CSNK1A1: variants seen among roughly 807,000 people sequenced by gnomAD.
The protein encoded by CSNK1A1 is casein kinase 1 alpha 1.
In CSNK1A1, 7 loss-of-function variants were observed where a neutral mutation model predicts 46.1. The ratio of observed to expected loss-of-function variants is 0.15; its 90% CI spans 0.09 to 0.29. The LOEUF is 0.29. Among genes scored for constraint, CSNK1A1 ranks in the 10% least tolerant of loss-of-function variants. CSNK1A1 has a pLI of 1.00. For missense variants in CSNK1A1, 96 were observed against 417.1 expected (o/e 0.23, Z 6.71); for synonymous variants, 137 against 141.5 (o/e 0.97, Z 0.23).
chr5:149,550,215 T>A lies in CSNK1A1; in HGVS notation c.124-34A>T. On this transcript the variant is annotated intron_variant, in intron 1 of 9. Coordinates refer to ENST00000377843, the MANE Select transcript of CSNK1A1 (RefSeq NM_001892.6). The surrounding 1 kb of genome is among the most constrained non-coding windows in gnomAD (Gnocchi z 4.3). ...GAAAGAGGGGATGATGGCATCAACA[T>A]CCCTACGGATTCAATGTCACTTAGG... 2 of 1,608,006 alleles carry A rather than the reference T, an allele frequency of 1.2e-6. No homozygotes were observed. Among genetic ancestry groups the A allele is most frequent in the Non-Finnish European group, 1.7e-6 (2 of 1,177,038 alleles).
chr5:149,522,051 T>C (rs1761587733), intron 3 of CSNK1A1, among the ~76,000 whole-genome samples: 1 of 152,190 alleles, frequency 6.6e-6, no homozygotes, highest in African/African-American at 2.4e-5. Flanking sequence ...TAAACAAATT[T>C]AAATTATTTT....
At chr5:149,513,341 G>A (rs889451316) in intron 4 of CSNK1A1, 132 bp from the exon 5 acceptor site, 2 of 836,802 alleles carry the variant, frequency 2.4e-6, no homozygotes, top group Non-Finnish European at 3.6e-6. Flanking sequence ...TAATAGAACA[G>A]ATAATGAACA....
chr5:149,513,436 G>A (rs990730635), intron 4 of CSNK1A1, among the ~76,000 whole-genome samples: 3 of 151,702 alleles, frequency 2.0e-5, no homozygotes, highest in African/African-American at 7.3e-5. Context: ...TATCCTTGTC[G>A]TTTGCAGATT....
At chr5:149,506,467 C>A (rs1761030362) in intron 8 of CSNK1A1, among the ~76,000 whole-genome samples, 1 of 151,860 alleles carries the variant, frequency 6.6e-6, no homozygotes, top group Admixed American at 6.6e-5. Flanking sequence ...TAACTCCTGA[C>A]CTCAAGCGAT....
chr5:149,501,227 T>C (rs1338050079), intron 9 of CSNK1A1: 4 of 985,228 alleles, frequency 4.1e-6, no homozygotes, highest in Non-Finnish European at 4.8e-6. Context: ...CATTTCCTGT[T>C]GGGTTATTTA....
intron 9 of CSNK1A1, chr5:149,502,870 G>A (rs1760916236): frequency 3.0e-6 from 2 of 656,456 alleles, no homozygotes; most frequent in African/African-American, 4.0e-5. Flanking sequence ...CCAGGTTCAA[G>A]CAATTCTCCT....
At chr5:149,520,264 T>C in intron 4 of CSNK1A1, 26 bp downstream of exon 4, 1 of 1,381,562 alleles carries the variant, frequency 7.2e-7, no homozygotes. Context: ...CTCTTTGTTC[T>C]TTCATGCAAA....
rs150989849 is a variant in CSNK1A1, at chr5:149,544,758, T to TATATATATATATATATATATATATACAC, written c.230+5316_230+5317insGTGTATATATATATATATATATATATAT. 5.4e-4 allele frequency among the ~76,000 whole-genome samples: 70 copies of TATATATATATATATATATATATATACAC among 129,246 alleles called. 1 individual carries two copies. Among genetic ancestry groups the TATATATATATATATATATATATATACAC allele is most frequent in the African/African-American group, 2.2e-3 (69 of 31,522 alleles). 84.8% of individuals were successfully genotyped at this position (129,246 alleles called of 152,430 possible). On this transcript the variant is annotated intron_variant, in intron 2 of 9. Transcript: ENST00000377843. Reference sequence around the variant, plus strand: ...AGCTTTATATATATATATATATATATATATATAGTTATTGACCAATCATGT... The same window carrying TATATATATATATATATATATATATACAC: ...AGCTTTATATATATATATATATATATATATATATATATATATATATATATACACATATATAGTTATTGACCAATCATGT...
chr5:149,495,744 T>TAAAAAAAAAAAAAAAAAA lies in CSNK1A1; in HGVS notation c.*1091_*1108dup, dbSNP rs149346325. Reference sequence around the variant, plus strand: ...TACTAGATATTGTGCCTGCAAGTCATAAAAAAAAAAAAAAAAAAAGAAAAA... The same window carrying TAAAAAAAAAAAAAAAAAA: ...TACTAGATATTGTGCCTGCAAGTCATAAAAAAAAAAAAAAAAAAAAAAAAAAAAAAAAAAAAAGAAAAA... On this transcript the variant is annotated 3_prime_UTR_variant, in exon 10 of 10. Coordinates refer to ENST00000377843, the MANE Select transcript of CSNK1A1 (RefSeq NM_001892.6). The TAAAAAAAAAAAAAAAAAA allele has an allele frequency of 2.2e-5, 2 of 92,736 alleles. No individual in the cohort carries two copies. The highest frequency in any genetic ancestry group is 3.1e-4 in the East Asian group (1 of 3,214). 5.7% of individuals were successfully genotyped at this position (92,736 alleles called of 1,614,324 possible).
At chr5:149,508,520 G>A (rs1473245579) in intron 7 of CSNK1A1, among the ~76,000 whole-genome samples, 1 of 152,046 alleles carries the variant, frequency 6.6e-6, no homozygotes, top group East Asian at 1.9e-4. Flanking sequence ...TCTTTTTATG[G>A]ATGAGATCAT....
Position 149,550,186 on chromosome 5 carries a change from AG to A in CSNK1A1, c.124-6del. 1 of 1,613,088 alleles carries A rather than the reference AG, an allele frequency of 6.2e-7. No individual in the cohort carries two copies. The highest frequency in any genetic ancestry group is 8.5e-7 in the Non-Finnish European group (1 of 1,179,438). On this transcript the variant is annotated splice_region_variant and splice_polypyrimidine_tract_variant and intron_variant, in intron 1 of 9. Coordinates refer to ENST00000377843, the MANE Select transcript of CSNK1A1 (RefSeq NM_001892.6). The surrounding 1 kb of genome is among the most constrained non-coding windows in gnomAD (Gnocchi z 4.3). The stretch of plus-strand genomic sequence containing the variant: ...TTCTAGCTTCACTGCCACTTCCTGC[AG>A]GGGAAAGAGGGGATGATGGCATCAA...
Position 149,507,214 on chromosome 5 carries a change from A to C in CSNK1A1, c.751-81T>G. ...TAAATGCATTTAAGTATAAGCAAAAAGATATTTTTGGGCGGGATATTTTAC... is the reference window on the plus strand; with the variant it reads ...TAAATGCATTTAAGTATAAGCAAAACGATATTTTTGGGCGGGATATTTTAC... On this transcript the variant is annotated intron_variant, in intron 7 of 9. Coordinates refer to ENST00000377843, the MANE Select transcript of CSNK1A1 (RefSeq NM_001892.6). 4 of 1,097,684 alleles carry C rather than the reference A, an allele frequency of 3.6e-6. No individual in the cohort carries two copies. The East Asian group carries it at 1.0e-4, about 29-fold the overall frequency. The allele number at this position is 1,097,684 out of a possible 1,614,324, so 68.0% of individuals were successfully genotyped here. A position where few individuals can be genotyped will look rare whatever the true frequency, so the allele number is the denominator to read the frequency against.
chr5:149,524,070 C>T lies in CSNK1A1; in HGVS notation c.357+975G>A, dbSNP rs140891513. Among the ~76,000 whole-genome samples the T allele has an allele frequency of 4.6e-3, 703 of 152,180 alleles. 9 individuals are homozygous for T. The highest frequency in any genetic ancestry group is 0.016 in the African/African-American group (666 of 41,542). On this transcript the variant is annotated intron_variant, in intron 3 of 9. Coordinates refer to ENST00000377843, the MANE Select transcript of CSNK1A1 (RefSeq NM_001892.6). ...GCTCACAGTGATGCTTTGGGTAATA[C>T]ATAAATAATAGTATTAAAAGGTAAG...
chr5:149,524,934 T>C, intron 3 of CSNK1A1, 111 bp downstream of exon 3: 1 of 961,730 alleles, frequency 1.0e-6, no homozygotes. Flanking sequence ...TTTCTGCCTA[T>C]GCTAAGGTTA....
chr5:149,514,173 A>G (rs923133867), intron 4 of CSNK1A1, among the ~76,000 whole-genome samples: 6 of 152,222 alleles, frequency 3.9e-5, no homozygotes, highest in African/African-American at 1.4e-4. Flanking sequence ...TAGCAGTTTA[A>G]GTGAGCTAAC....
intron 9 of CSNK1A1, chr5:149,503,610 C>A: frequency 1.0e-6 from 1 of 985,032 alleles, no homozygotes; most frequent in Non-Finnish European, 1.2e-6. Flanking sequence ...AAAATAGCTA[C>A]AATACAAAAT....
rs138229545 is a variant in CSNK1A1, at chr5:149,511,467, A to G, written c.675+327T>C. On this transcript the variant is annotated intron_variant, in intron 6 of 9. Transcript: ENST00000377843. ...GGTCTTGCTGTACATAAAAACATAC[A>G]TTTTCAACATAATGGCAACACATCA... Among the ~76,000 whole-genome samples, 409 of 152,220 alleles carry G rather than the reference A, an allele frequency of 2.7e-3. 1 individual carries two copies. The highest frequency in any genetic ancestry group is 9.1e-3 in the African/African-American group (378 of 41,544).
chr5:149,531,693 C>CAAAAAAAAA (rs60488526), intron 2 of CSNK1A1, among the ~76,000 whole-genome samples: 5 of 136,672 alleles, frequency 3.7e-5, no homozygotes, highest in South Asian at 2.3e-4. Context: ...ACTAAAAATA[C>CAAAAAAAAA]AAAAAAAAAA....
intron 2 of CSNK1A1, among the ~76,000 whole-genome samples, chr5:149,542,850 C>T (rs1762349547): frequency 1.3e-5 from 2 of 150,050 alleles, no homozygotes; most frequent in Non-Finnish European, 3.0e-5. Flanking sequence ...CACACACCAC[C>T]ATGCTTGGCT....
Sources: allele counts gnomAD v4.1 joint callset (sites outside exome capture counted in the v4.1 genomes callset), GRCh38; gene constraint gnomAD v4.1.1; non-coding constraint Gnocchi (gnomAD v3.1); transcripts MANE v1.5; gene names NCBI Gene and HGNC (gene_info 2026-07-23, HGNC 2026-07-21).